ZNF654: variants seen among roughly 807,000 people sequenced by gnomAD.
The protein encoded by ZNF654 is melanoma-associated antigen.
A neutral mutation model predicts 95.3 loss-of-function variants in ZNF654; 19 were observed. That is an observed-to-expected ratio of 0.20 (90% CI 0.14 to 0.29). The LOEUF (loss-of-function observed/expected upper bound fraction) is 0.29. ZNF654 is among the 10% of genes least tolerant of loss of function. The pLI is 1.00. For synonymous variants in ZNF654, 413 were observed against 457.9 expected, an observed-to-expected ratio of 0.90 and a Z score of 1.25; for missense variants, 1,046 against 1,341.0, an observed-to-expected ratio of 0.78 and a Z score of 3.44.
intron 2 of ZNF654, among the ~76,000 whole-genome samples, chr3:88,100,726 GC>G (rs1346606289): frequency 1.3e-5 from 2 of 151,726 alleles, no homozygotes; most frequent in African/African-American, 4.8e-5. Context: ...ACCAAACACC[GC>G]CATGTTCTCA....
At chr3:88,095,574 A>G in intron 2 of ZNF654, 8 of 520,678 alleles carry the variant, frequency 1.5e-5, no homozygotes, top group Non-Finnish European at 3.1e-5. Context: ...TTAAAAACAT[A>G]AATTGCCACA....
At chr3:88,110,095 CT>C (rs1704998515) in intron 2 of ZNF654, among the ~76,000 whole-genome samples, 1 of 152,046 alleles carries the variant, frequency 6.6e-6, no homozygotes, top group African/African-American at 2.4e-5. Context: ...AATGGTTGTA[CT>C]ATGTTATTAA....
intron 8 of ZNF654, among the ~76,000 whole-genome samples, 187 bp downstream of exon 8, chr3:88,141,235 T>C (rs1414519876): frequency 1.3e-5 from 2 of 152,268 alleles, no homozygotes; most frequent in Admixed American, 6.5e-5. Flanking sequence ...TCCTGTTTTA[T>C]AGATCAAGCA....
intron 1 of ZNF654, among the ~76,000 whole-genome samples, chr3:88,070,471 G>T (rs1707440954): frequency 6.8e-6 from 1 of 147,802 alleles, no homozygotes; most frequent in Non-Finnish European, 1.5e-5. Flanking sequence ...TTCAAAACTT[G>T]CCAAACAAAT....
chr3:88,089,183 T>A (rs1708504415), intron 2 of ZNF654, among the ~76,000 whole-genome samples: 1 of 129,068 alleles, frequency 7.7e-6, no homozygotes, highest in Non-Finnish European at 1.6e-5. Flanking sequence ...TTACTCAAGC[T>A]TACGTATTAA....
intron 2 of ZNF654, among the ~76,000 whole-genome samples, chr3:88,098,682 A>C (rs1221764824): frequency 1.6e-4 from 25 of 152,142 alleles, no homozygotes; most frequent in African/African-American, 5.8e-4. Flanking sequence ...TCAACATACG[A>C]AAATCAATAA....
intron 2 of ZNF654, among the ~76,000 whole-genome samples, chr3:88,093,191 G>GT (rs1397493552): frequency 1.3e-5 from 2 of 152,110 alleles, no homozygotes; most frequent in African/African-American, 2.4e-5. Context: ...GTTCTTACTG[G>GT]TTTTTTCCTT....
intron 4 of ZNF654, among the ~76,000 whole-genome samples, chr3:88,128,410 T>C (rs1559728761): frequency 6.6e-6 from 1 of 152,102 alleles, no homozygotes; most frequent in South Asian, 2.1e-4. Context: ...CAGATTAGGA[T>C]TCAGCCTTTT....
chr3:88,112,559 TG>T (rs1705157057), intron 2 of ZNF654, among the ~76,000 whole-genome samples: 2 of 151,940 alleles, frequency 1.3e-5, no homozygotes, highest in Non-Finnish European at 2.9e-5. Flanking sequence ...CTGTTATGAG[TG>T]GGATAATCAA....
intron 3 of ZNF654, among the ~76,000 whole-genome samples, chr3:88,116,251 T>C (rs1212366375): frequency 2.0e-5 from 3 of 152,122 alleles, no homozygotes; most frequent in Non-Finnish European, 4.4e-5. Context: ...CCAGGCATAG[T>C]GGTTCACCCC....
rs1329754487 is a variant in ZNF654, at chr3:88,069,699, G to T, written c.186+10194G>T. Among the ~76,000 whole-genome samples the T allele has an allele frequency of 2.6e-5, 4 of 152,144 alleles. No homozygotes were observed. In the East Asian group the frequency reaches 7.7e-4, roughly 29 times the overall value. On this transcript the variant is annotated intron_variant, in intron 1 of 8. Coordinates refer to ENST00000636215, the MANE Select transcript of ZNF654 (RefSeq NM_001350134.2). ...GTATTCACCACTGCTTTGGAAAGTT[G>T]ACATTATAGAGTGTTAATGTACTGG...
At position 88,139,220 on chromosome 3, in the gene ZNF654, A is replaced by G. The variant is rs1311818591; in HGVS notation, c.1551A>G (p.Gly517=). The part of the protein sequence containing the change: ...TGETDPDDVS[G]VQPKGHINTK... ...AGACTGATCCTGATGATGTATCTGG[A>G]GTGCAGCCTAAAGGTCATATTAATA... is the stretch of plus-strand genomic sequence containing the variant. Residue 517 remains glycine (G), a synonymous_variant, in exon 8 of 9, where the codon GGA becomes GGG. Coordinates refer to ENST00000636215, the MANE Select transcript of ZNF654 (RefSeq NM_001350134.2). The G allele has an allele frequency of 6.8e-7, 1 of 1,475,234 alleles. No individual in the cohort carries two copies. Among genetic ancestry groups the G allele is most frequent in the East Asian group, 2.4e-5 (1 of 41,786 alleles). The allele number at this position is 1,475,234 out of a possible 1,614,324, so 91.4% of individuals were successfully genotyped here.
chr3:88,064,846 A>G (rs1707105243), intron 1 of ZNF654, among the ~76,000 whole-genome samples: 1 of 152,242 alleles, frequency 6.6e-6, no homozygotes, highest in Non-Finnish European at 1.5e-5. Context: ...GAAGTCTCAA[A>G]TTAGTTTTCT....
intron 2 of ZNF654, chr3:88,095,571 CAT>C: frequency 1.9e-6 from 1 of 520,094 alleles, no homozygotes; most frequent in East Asian, 5.6e-5. Flanking sequence ...TCATTAAAAA[CAT>C]AAATTGCCAC....
intron 1 of ZNF654, among the ~76,000 whole-genome samples, chr3:88,074,957 G>A (rs1204436202): frequency 6.6e-6 from 1 of 152,090 alleles, no homozygotes; most frequent in Non-Finnish European, 1.5e-5. Context: ...GTTTAATTGT[G>A]CTACTGTCTG....
At chr3:88,065,766 C>T (rs1663354612) in intron 1 of ZNF654, among the ~76,000 whole-genome samples, 1 of 152,104 alleles carries the variant, frequency 6.6e-6, no homozygotes, top group Non-Finnish European at 1.5e-5. Context: ...GGCTGTGTCG[C>T]TCAGGCTGGA....
At chr3:88,060,785 T>C (rs1180429642) in intron 1 of ZNF654, among the ~76,000 whole-genome samples, 1 of 152,096 alleles carries the variant, frequency 6.6e-6, no homozygotes, top group Non-Finnish European at 1.5e-5. Context: ...TTTTCAATGC[T>C]TGTAAGGAAT....
chr3:88,126,933 GA>G (rs1257885651), intron 4 of ZNF654, among the ~76,000 whole-genome samples: 1 of 152,104 alleles, frequency 6.6e-6, no homozygotes, highest in Non-Finnish European at 1.5e-5. Context: ...TGTCCAATCT[GA>G]TTTAACAGCG....
In ZNF654 at chr3:88,140,819, A is replaced by C; in HGVS notation, c.3150A>C (p.Pro1050=). 1 of 1,613,690 alleles carries C rather than the reference A, an allele frequency of 6.2e-7. No homozygotes were observed. Among genetic ancestry groups the C allele is most frequent in the Non-Finnish European group, 8.5e-7 (1 of 1,179,708 alleles). ...GLILTKPYVR[P]LPPSYLDERY... ...TTTTAACAAAACCATACGTCAGACCATTGCCTCCCAGTTACCTTGATGAAC... is the reference window on the plus strand; with the variant it reads ...TTTTAACAAAACCATACGTCAGACCCTTGCCTCCCAGTTACCTTGATGAAC... The change falls in exon 8 of 9, where the codon CCA becomes CCC. Residue 1050 remains proline, a synonymous_variant. Transcript: ENST00000636215.
Sources: gnomAD v4.1 joint callset for allele counts (sites outside exome capture counted in the v4.1 genomes callset) on GRCh38, gnomAD v4.1.1 for gene constraint, MANE v1.5 for transcripts, NCBI Gene and HGNC (gene_info 2026-07-23, HGNC 2026-07-21) for gene names.